The following SSRP1 variants were observed in gnomAD, a reference collection of about 807,000 sequenced individuals.
The protein encoded by SSRP1 is FACT complex subunit SSRP1.
A neutral mutation model predicts 84.4 loss-of-function variants in SSRP1; 21 were observed. The observed-to-expected ratio is 0.25, with a 90% CI of 0.18 to 0.36. SSRP1 has a LOEUF of 0.36. SSRP1 is among the 10% of genes least tolerant of loss of function. SSRP1 has a pLI of 1.00. For missense variants in SSRP1, 519 were observed against 900.8 expected, an observed-to-expected ratio of 0.58 and a Z score of 5.43; for synonymous variants, 319 against 318.3, an observed-to-expected ratio of 1.00 and a Z score of -0.02.
At chr11:57,333,322 C>G in intron 4 of SSRP1, 113 bp downstream of exon 4, 1 of 1,169,426 alleles carries the variant, frequency 8.6e-7, no homozygotes, top group Non-Finnish European at 1.2e-6. Context: ...GATGAACATG[C>G]AAATAGATAG....
chr11:57,334,553 T>G lies in SSRP1; in HGVS notation c.150A>C (p.Glu50Asp). 6.2e-7 allele frequency: 1 copy of G among 1,614,238 alleles called. No individual in the cohort carries two copies. Among genetic ancestry groups the G allele is most frequent in the Non-Finnish European group, 8.5e-7 (1 of 1,180,056 alleles). The change falls in exon 3 of 17, where the codon GAA (glutamate) becomes GAC (aspartate). Residue 50 changes from glutamate (E) to aspartate (D), a missense_variant. This residue lies in a region of SSRP1 where 88 missense variants were observed against 122.0 expected (regional missense o/e 0.72). Transcript: ENST00000278412. ...CCAGAGCAACACGGCGCCAGATACC[T>G]TCTGTTAACTCCCCAGCCTGGATGT... ...VDNIQAGELT[E>D]GIWRRVALGH...
chr11:57,333,914 G>A (rs1019180703), intron 3 of SSRP1, among the ~76,000 whole-genome samples: 2 of 152,236 alleles, frequency 1.3e-5, no homozygotes, highest in Non-Finnish European at 1.5e-5. Flanking sequence ...CCCTTTGGGA[G>A]GCCAAGGTGG....
In SSRP1 at chr11:57,326,385, CAA is replaced by C. The variant is rs763432406; in HGVS notation, c.*20_*21del. 1.9e-6 allele frequency: 3 copies of C among 1,613,642 alleles called. No individual in the cohort carries two copies. The highest frequency in any genetic ancestry group is 2.2e-5 in the East Asian group (1 of 44,878). ...GTCGGGGGGTGTGAGAAGGCAAGCG[CAA>C]AGAGAACCTTCCTCCGTTTCTACTC... On this transcript the variant is annotated 3_prime_UTR_variant, in exon 17 of 17. Coordinates refer to ENST00000278412, the MANE Select transcript of SSRP1 (RefSeq NM_003146.3).
At chr11:57,328,080 A>G in intron 13 of SSRP1, 198 bp from the exon 14 acceptor site, 2 of 950,074 alleles carry the variant, frequency 2.1e-6, no homozygotes, top group East Asian at 2.6e-5. Context: ...ACAGAAGCCC[A>G]TCTCCTAATT....
Position 57,330,853 on chromosome 11 carries a change from A to G in SSRP1, c.1296+2T>C. ...GGTCTCATCCTCCCCACACAGAAGT[A>G]CCTCTTTCAATCCTCGGTTTTTGAT... On this transcript the variant is annotated splice_donor_variant, in intron 10 of 16. Transcript: ENST00000278412. LOFTEE classifies it high-confidence loss of function. The surrounding 1 kb of genome is among the most constrained non-coding windows in gnomAD (Gnocchi z 4.0). 6.2e-7 allele frequency: 1 copy of G among 1,614,178 alleles called. No homozygotes were observed. Among genetic ancestry groups the G allele is most frequent in the Admixed American group, 1.7e-5 (1 of 60,028 alleles).
intron 12 of SSRP1, chr11:57,329,779 A>AC: frequency 2.2e-6 from 1 of 463,908 alleles, no homozygotes; most frequent in Non-Finnish European, 3.9e-6. Flanking sequence ...TTACTCGACA[A>AC]CCCCCAGCAA....
Position 57,330,749 on chromosome 11 carries a change from G to T in SSRP1, c.1296+106C>A. 1 of 1,579,080 alleles carries T rather than the reference G, an allele frequency of 6.3e-7. No homozygotes were observed. On this transcript the variant is annotated intron_variant, in intron 10 of 16. Coordinates refer to ENST00000278412, the MANE Select transcript of SSRP1 (RefSeq NM_003146.3). The surrounding 1 kb of genome is among the most constrained non-coding windows in gnomAD (Gnocchi z 4.0). ...CACACGCACCTCTTTTTTCTATAAG[G>T]GTAAGAAGAGAAGAAAGAGTGAAAA...
At chr11:57,328,252 CCA>C in intron 13 of SSRP1, 43 bp downstream of exon 13, 1 of 1,603,776 alleles carries the variant, frequency 6.2e-7, no homozygotes, top group Admixed American at 1.7e-5. Flanking sequence ...CCCACGCCCC[CCA>C]CCCACTGCAC....
chr11:57,331,392 T>C (rs994929560), intron 9 of SSRP1, among the ~76,000 whole-genome samples: 1 of 150,932 alleles, frequency 6.6e-6, no homozygotes, highest in Admixed American at 6.6e-5. Context: ...TGGTGGGGAG[T>C]GGAGGAGAAA....
At position 57,332,208 on chromosome 11, in the gene SSRP1, G is replaced by A; in HGVS notation, c.945C>T (p.Ser315=). Residue 315 remains serine (S), a synonymous_variant, in exon 8 of 17, where the codon AGC becomes AGT. Transcript: ENST00000278412. This position sits in a 1 kb window ranked among gnomAD's most constrained non-coding sequence, Gnocchi z 5.5. ...GGTTTACCAGTGCTTTCATGACCCG[G>A]CTGACCATCTCATAGAGGGATCCTG... The part of the protein sequence containing the change: ...NMSGSLYEMV[S]RVMKALVNRK... 6.2e-7 allele frequency: 1 copy of A among 1,613,928 alleles called. No individual in the cohort carries two copies. The highest frequency in any genetic ancestry group is 8.5e-7 in the Non-Finnish European group (1 of 1,180,006).
At position 57,326,689 on chromosome 11, in the gene SSRP1, C is replaced by G; in HGVS notation, c.2058+14G>C. ...CACCCTGCCCAGCCCACAGGCCCCA[C>G]ATTCCTGCCGCACCTCGCTCCTCCT... On this transcript the variant is annotated intron_variant, in intron 16 of 16. Transcript: ENST00000278412. 6.2e-7 allele frequency: 1 copy of G among 1,611,232 alleles called. No homozygotes were observed. The highest frequency in any genetic ancestry group is 8.5e-7 in the Non-Finnish European group (1 of 1,178,238).
chr11:57,334,599 C>G lies in SSRP1; in HGVS notation c.104G>C (p.Ser35Thr). Residue 35 changes from serine to threonine, a missense_variant, in exon 3 of 17, where the codon AGC becomes ACC. Physicochemically the swap from Ser to Thr is moderately conservative, Grantham distance 58. Around this residue, in one of 7 missense-constraint regions of SSRP1, gnomAD observed 88 missense variants for 122.0 expected, o/e 0.72. Transcript: ENST00000278412. Reference protein sequence around the residue: ...LSRQGIIFKNSKTGKVDNIQA... With the variant: ...LSRQGIIFKNTKTGKVDNIQA... The stretch of plus-strand genomic sequence containing the variant: ...GATGTTGTCCACTTTGCCTGTCTTG[C>G]TATTCTTGAAGATGATGCCCTGACG... 6.2e-7 allele frequency: 1 copy of G among 1,614,180 alleles called. No homozygotes were observed. Among genetic ancestry groups the G allele is most frequent in the South Asian group, 1.1e-5 (1 of 91,090 alleles).
chr11:57,329,780 C>A (rs1337696778), intron 12 of SSRP1: 4 of 466,406 alleles, frequency 8.6e-6, no homozygotes, highest in Admixed American at 3.8e-5. Context: ...TACTCGACAA[C>A]CCCCAGCAAG....
At position 57,328,384 on chromosome 11, in the gene SSRP1, AC is replaced by A. The variant is rs774910640; in HGVS notation, c.1523del (p.Gly508ValfsTer31). 6.2e-7 allele frequency: 1 copy of A among 1,613,854 alleles called. No homozygotes were observed. The highest frequency in any genetic ancestry group is 1.3e-5 in the African/African-American group (1 of 74,834). On this transcript the variant is annotated frameshift_variant, in exon 13 of 17. Coordinates refer to ENST00000278412, the MANE Select transcript of SSRP1 (RefSeq NM_003146.3). LOFTEE classifies it high-confidence loss of function. The stretch of plus-strand genomic sequence containing the variant: ...GCTTCTTCTCATCCCGGTCACTGTC[AC>A]CCTCATTACTGGAGGAGCTGGCAGA... ...NASASSSSNE[G>X]DSDRDEKKRK... is the part of the protein sequence containing the mutation.
intron 12 of SSRP1, 104 bp downstream of exon 12, chr11:57,329,989 G>A: frequency 7.1e-7 from 1 of 1,403,606 alleles, no homozygotes; most frequent in South Asian, 1.2e-5. Context: ...CTCCCATTCT[G>A]GGTCAGTAGC....
At position 57,327,886 on chromosome 11, in the gene SSRP1, C is replaced by CCCAA; in HGVS notation, c.1612-5_1612-4insTTGG. The CCCAA allele has an allele frequency of 6.2e-7, 1 of 1,612,144 alleles. No individual in the cohort carries two copies. The highest frequency in any genetic ancestry group is 2.2e-5 in the East Asian group (1 of 44,824). On this transcript the variant is annotated splice_polypyrimidine_tract_variant and splice_region_variant and intron_variant, in intron 13 of 16. Coordinates refer to ENST00000278412, the MANE Select transcript of SSRP1 (RefSeq NM_003146.3). ...TGGGGTCTTTGCCCTTCTTCACCTA[C>CCCAA]ATAAGAACCCAAATGCCTTCAGCTA... is the stretch of plus-strand genomic sequence containing the variant.
chr11:57,329,861 C>G (rs1034624272), intron 12 of SSRP1: 1 of 604,040 alleles, frequency 1.7e-6, no homozygotes, highest in Non-Finnish European at 2.9e-6. Context: ...CTGGCACATT[C>G]AGGGCGGTAT....
intron 3 of SSRP1, 61 bp from the exon 4 acceptor site, chr11:57,333,601 G>C (rs1000044629): frequency 2.5e-6 from 3 of 1,199,448 alleles, no homozygotes; most frequent in Non-Finnish European, 3.7e-6. Context: ...ACACCGACTT[G>C]AATGTCCTGG....
In SSRP1 at chr11:57,331,651, C is replaced by T. The variant is rs1170720529; in HGVS notation, c.1223+17G>A. On this transcript the variant is annotated intron_variant, in intron 9 of 16. Transcript: ENST00000278412. ...CGGGACCAGGATGCCCAGGAAGTGA[C>T]AGGTGGAGGTTCTCACCTCTCAATG... 6 of 1,599,042 alleles carry T rather than the reference C, an allele frequency of 3.8e-6. No homozygotes were observed. Among genetic ancestry groups the T allele is most frequent in the Non-Finnish European group, 5.1e-6 (6 of 1,166,584 alleles).
Sources: gnomAD v4.1 joint callset for allele counts (sites outside exome capture counted in the v4.1 genomes callset) on GRCh38, gnomAD v4.1.1 for gene constraint, gnomAD v4.1.1 regional missense constraint, Gnocchi (gnomAD v3.1) non-coding constraint, MANE v1.5 for transcripts, NCBI Gene and HGNC (gene_info 2026-07-23, HGNC 2026-07-21) for gene names.